KIAA0319: variants seen among roughly 807,000 people sequenced by gnomAD.
KIAA0319 encodes KIAA0319.
Under a neutral mutation model 108.4 loss-of-function variants are expected in KIAA0319, and 83 were observed. The observed-to-expected ratio is 0.77, with a 90% CI of 0.64 to 0.92. KIAA0319 has a LOEUF of 0.92. Among genes scored for constraint, KIAA0319 ranks in the 40% least tolerant of loss-of-function variants. The probability of loss-of-function intolerance (pLI) is 0.00; values close to 1 mark genes in which losing one functional copy is unlikely to be tolerated. For synonymous variants in KIAA0319, 484 were observed against 510.4 expected, an observed-to-expected ratio of 0.95 and a Z score of 0.70; for missense variants, 1,195 against 1,322.4, an observed-to-expected ratio of 0.90 and a Z score of 1.49.
chr6:24,611,633 T>C (rs1772329367), intron 1 of KIAA0319, among the ~76,000 whole-genome samples: 2 of 152,236 alleles, frequency 1.3e-5, no homozygotes, highest in African/African-American at 2.4e-5. Flanking sequence ...GCAACTCACA[T>C]TGCAGACAAA....
At chr6:24,565,681 C>CAGCGGAG (rs1473985070) in intron 14 of KIAA0319, among the ~76,000 whole-genome samples, 2 of 140,092 alleles carry the variant, frequency 1.4e-5, no homozygotes, top group Non-Finnish European at 3.0e-5. Context: ...CGAACTCGGG[C>CAGCGGAG]AGCGGAGGTT....
At chr6:24,583,312 C>A in intron 5 of KIAA0319, 1 of 940,838 alleles carries the variant, frequency 1.1e-6, no homozygotes, top group Non-Finnish European at 1.3e-6. Flanking sequence ...AGTTCAAGAA[C>A]TGGTACGTGG....
intron 1 of KIAA0319, among the ~76,000 whole-genome samples, chr6:24,631,749 T>A (rs1290678065): frequency 6.6e-6 from 1 of 152,224 alleles, no homozygotes; most frequent in Non-Finnish European, 1.5e-5. Flanking sequence ...ACCACTGCTA[T>A]CTAAGTAGGT....
chr6:24,585,303 C>T (rs1767297560), intron 4 of KIAA0319, among the ~76,000 whole-genome samples: 2 of 151,450 alleles, frequency 1.3e-5, no homozygotes, highest in Non-Finnish European at 2.9e-5. Flanking sequence ...ACCCGCATCT[C>T]ATTTTATTCC....
In KIAA0319 at chr6:24,551,480, C is replaced by T. The variant is rs1327197604; in HGVS notation, c.2994G>A (p.Leu998=). 1 of 1,612,604 alleles carries T rather than the reference C, an allele frequency of 6.2e-7. No homozygotes were observed. The highest frequency in any genetic ancestry group is 1.3e-5 in the African/African-American group (1 of 74,882). The change falls in exon 20 of 21, where the codon CTG becomes CTA. Residue 998 remains leucine, a synonymous_variant. Transcript: ENST00000378214. The part of the protein sequence containing the change: ...KIRKKTKYTI[L]DNMDEQERME... ...TTCTTTCCTGTTCATCCATGTTATC[C>T]AGGATGGTGTACTTTGTTTTTTTCC...
chr6:24,631,442 TG>T (rs1775571816), intron 1 of KIAA0319, among the ~76,000 whole-genome samples: 1 of 152,218 alleles, frequency 6.6e-6, no homozygotes, highest in African/African-American at 2.4e-5. Context: ...GAGTATACGT[TG>T]GGAGAAAGAA....
intron 1 of KIAA0319, among the ~76,000 whole-genome samples, chr6:24,637,202 GT>G (rs2127594793): frequency 6.6e-6 from 1 of 152,342 alleles, no homozygotes; most frequent in East Asian, 1.9e-4. Flanking sequence ...CATGGCAACA[GT>G]TTTTTGAGAT....
chr6:24,608,767 A>G (rs1038694867), intron 1 of KIAA0319, among the ~76,000 whole-genome samples: 10 of 151,640 alleles, frequency 6.6e-5, no homozygotes, highest in Non-Finnish European at 1.5e-4. Flanking sequence ...CGTCTCTACT[A>G]AAAATACAAA....
rs1777594111 is a variant in KIAA0319, at chr6:24,646,164, G to A, written c.-534C>T. 6.6e-6 allele frequency: 1 copy of A among 152,246 alleles called. No homozygotes were observed. The highest frequency in any genetic ancestry group is 1.5e-5 in the Non-Finnish European group (1 of 68,126). 9.4% of individuals were successfully genotyped at this position (152,246 alleles called of 1,614,324 possible). A position where few individuals can be genotyped will look rare whatever the true frequency, so the allele number is the denominator to read the frequency against. ...CCACCGCCCGCGGCAGCTTCTGCAGGCTCGGGGAAAGCGCGCGCCAGTGAT... is the reference window on the plus strand; with the variant it reads ...CCACCGCCCGCGGCAGCTTCTGCAGACTCGGGGAAAGCGCGCGCCAGTGAT... On this transcript the variant is annotated 5_prime_UTR_variant, in exon 1 of 21. Coordinates refer to ENST00000378214, the MANE Select transcript of KIAA0319 (RefSeq NM_014809.4).
At chr6:24,558,928 C>G in intron 17 of KIAA0319, 85 bp downstream of exon 17, 19 of 1,296,348 alleles carry the variant, frequency 1.5e-5, no homozygotes, top group Non-Finnish European at 2.0e-5. Context: ...TGAAAATGTT[C>G]ACATGTCACT....
chr6:24,551,297 A>C (rs1193556980), intron 20 of KIAA0319, 137 bp downstream of exon 20: 1 of 670,638 alleles, frequency 1.5e-6, no homozygotes, highest in Non-Finnish European at 2.7e-6. Flanking sequence ...TCATCACAGA[A>C]TCCCAGCCTC....
intron 4 of KIAA0319, among the ~76,000 whole-genome samples, chr6:24,584,806 G>A (rs1275561230): frequency 6.6e-6 from 1 of 152,184 alleles, no homozygotes; most frequent in Non-Finnish European, 1.5e-5. Context: ...GGATTAAACT[G>A]TGCCAGGCAT....
At chr6:24,628,513 C>T (rs899999365) in intron 1 of KIAA0319, among the ~76,000 whole-genome samples, 1 of 151,844 alleles carries the variant, frequency 6.6e-6, no homozygotes. Flanking sequence ...CACTGCAGTG[C>T]TTTTTTCTTT....
At chr6:24,584,207 C>T (rs1342500389) in intron 4 of KIAA0319, among the ~76,000 whole-genome samples, 1 of 151,944 alleles carries the variant, frequency 6.6e-6, no homozygotes, top group African/African-American at 2.4e-5. Context: ...CAGTCACCCT[C>T]AATATAAAAA....
chr6:24,569,725 T>C (rs1764406327), intron 12 of KIAA0319, among the ~76,000 whole-genome samples, 178 bp downstream of exon 12: 4 of 152,202 alleles, frequency 2.6e-5, no homozygotes, highest in Admixed American at 6.5e-5. Context: ...CTGTCAATGA[T>C]GTCCATCCAC....
At chr6:24,561,954 C>T (rs1324253362) in intron 16 of KIAA0319, among the ~76,000 whole-genome samples, 3 of 152,196 alleles carry the variant, frequency 2.0e-5, no homozygotes, top group Non-Finnish European at 2.9e-5. Context: ...CTGCCCACCT[C>T]GGCCTCCCAA....
Position 24,563,536 on chromosome 6 carries a change from A to G in KIAA0319, c.2432-18T>C. ...CCTAGGGTCTGGGGAAAGAGAAGAT[A>G]CAGGATTTGCACTTGGACATTTGCA... On this transcript the variant is annotated intron_variant, in intron 15 of 20. Transcript: ENST00000378214. The G allele has an allele frequency of 6.3e-7, 1 of 1,596,066 alleles. No homozygotes were observed. The highest frequency in any genetic ancestry group is 1.3e-5 in the African/African-American group (1 of 74,806).
intron 1 of KIAA0319, among the ~76,000 whole-genome samples, chr6:24,621,563 A>G (rs1045643949): frequency 6.6e-6 from 1 of 152,222 alleles, no homozygotes; most frequent in Non-Finnish European, 1.5e-5. Context: ...TTCTAGTTCA[A>G]TATGGCAGAT....
intron 17 of KIAA0319, among the ~76,000 whole-genome samples, chr6:24,557,112 G>A (rs1434286487): frequency 6.6e-6 from 1 of 152,152 alleles, no homozygotes; most frequent in East Asian, 1.9e-4. Context: ...GGCTGAAGCA[G>A]GAGAATCACT....
Sources: allele counts gnomAD v4.1 joint callset (sites outside exome capture counted in the v4.1 genomes callset), GRCh38; gene constraint gnomAD v4.1.1; transcripts MANE v1.5; gene names NCBI Gene and HGNC (gene_info 2026-07-23, HGNC 2026-07-21).